The following DTNA variants were observed in gnomAD, a reference collection of about 807,000 sequenced individuals.
DTNA encodes the protein dystrophin-related protein 3.
In DTNA, 43 loss-of-function variants were observed where a neutral mutation model predicts 100.7. The ratio of observed to expected loss-of-function variants is 0.43; its 90% CI spans 0.33 to 0.55. The LOEUF is 0.55. DTNA is among the 20% of genes least tolerant of loss of function. The pLI is 0.04. For missense variants in DTNA, 798 were observed against 953.9 expected, an observed-to-expected ratio of 0.84 and a Z score of 2.15; for synonymous variants, 349 against 347.9, an observed-to-expected ratio of 1.00 and a Z score of -0.04.
chr18:34,860,371 CT>C (rs1488477510), intron 16 of DTNA, among the ~76,000 whole-genome samples: 1 of 151,786 alleles, frequency 6.6e-6, no homozygotes, highest in African/African-American at 2.4e-5. Context: ...CCAGCCCATT[CT>C]TTTCATCTTT....
chr18:34,755,919 G>A, intron 1 of DTNA, 57 bp from the exon 2 acceptor site: 1 of 1,478,414 alleles, frequency 6.8e-7, no homozygotes, highest in Non-Finnish European at 9.4e-7. Context: ...ACAGAGAAAT[G>A]GCTTCTTGCC....
At chr18:34,554,072 T>A (rs1209862985) in intron 1 of DTNA, among the ~76,000 whole-genome samples, 1 of 137,274 alleles carries the variant, frequency 7.3e-6, no homozygotes, top group East Asian at 2.0e-4. Context: ...GGTTTGTAGT[T>A]CTCCTTGAAG....
At chr18:34,499,925 C>T (rs2039707726) in intron 1 of DTNA, among the ~76,000 whole-genome samples, 1 of 152,040 alleles carries the variant, frequency 6.6e-6, no homozygotes, top group South Asian at 2.1e-4. Context: ...TTTGGGGTTA[C>T]TTATTCTTTG....
intron 17 of DTNA, among the ~76,000 whole-genome samples, chr18:34,870,723 C>T (rs2096756922): frequency 6.6e-6 from 1 of 152,118 alleles, no homozygotes; most frequent in Admixed American, 6.5e-5. Context: ...ACCAGAGCCA[C>T]AATGGCCTTC....
intron 1 of DTNA, among the ~76,000 whole-genome samples, chr18:34,662,135 G>GTTT (rs34780258): frequency 7.4e-6 from 1 of 135,864 alleles, no homozygotes; most frequent in African/African-American, 2.7e-5. Flanking sequence ...ACCGGTTGTT[G>GTTT]TTTTTTTTTT....
rs748695714 is a variant in DTNA, at chr18:34,804,311, C to T, written c.363-1908C>T. 3.3e-5 allele frequency among the ~76,000 whole-genome samples: 5 copies of T among 152,122 alleles called. No individual in the cohort carries two copies. In the South Asian group the frequency reaches 6.2e-4, roughly 19 times the overall value. ...GACTGCTGGGTGTGCCATGAGCAAA[C>T]GTTAGAACTTCGTCCTGAGGGCAAA... On this transcript the variant is annotated intron_variant, in intron 4 of 22. Coordinates refer to ENST00000444659, the MANE Select transcript of DTNA (RefSeq NM_001386795.1).
chr18:34,538,769 A>G (rs1330308952), intron 1 of DTNA, among the ~76,000 whole-genome samples: 1 of 152,004 alleles, frequency 6.6e-6, no homozygotes, highest in Non-Finnish European at 1.5e-5. Context: ...TACATGGTCT[A>G]AAGACCTAAA....
At chr18:34,576,534 C>T (rs1421529252) in intron 1 of DTNA, among the ~76,000 whole-genome samples, 1 of 152,150 alleles carries the variant, frequency 6.6e-6, no homozygotes, top group Non-Finnish European at 1.5e-5. Context: ...GGTGTGATCA[C>T]TCCAACCTCC....
intron 1 of DTNA, among the ~76,000 whole-genome samples, chr18:34,733,914 G>A (rs1415791891): frequency 1.3e-5 from 2 of 152,128 alleles, no homozygotes; most frequent in African/African-American, 4.8e-5. Context: ...AACATTAAAG[G>A]CAGAGTTTCT....
intron 1 of DTNA, among the ~76,000 whole-genome samples, chr18:34,691,508 G>C (rs989472501): frequency 2.6e-5 from 4 of 152,166 alleles, no homozygotes; most frequent in Non-Finnish European, 4.4e-5. Context: ...TGTGAAACAA[G>C]CAGTTGAAAA....
intron 3 of DTNA, among the ~76,000 whole-genome samples, chr18:34,766,867 C>G (rs1250076348): frequency 1.3e-5 from 2 of 151,178 alleles, no homozygotes; most frequent in African/African-American, 4.9e-5. Flanking sequence ...TTACATGAGA[C>G]AAAAATAAGA....
intron 7 of DTNA, chr18:34,817,852 A>T: frequency 1.1e-6 from 1 of 936,580 alleles, no homozygotes; most frequent in Non-Finnish European, 1.4e-6. Context: ...GGGTAAAGGC[A>T]AGTCTGTTTG....
chr18:34,517,027 T>C (rs937967451), intron 1 of DTNA, among the ~76,000 whole-genome samples: 1 of 152,064 alleles, frequency 6.6e-6, no homozygotes, highest in Non-Finnish European at 1.5e-5. Flanking sequence ...GCATAAGAAA[T>C]TATAAAAGTA....
At chr18:34,757,191 C>G (rs1210378468) in intron 2 of DTNA, 1 of 152,144 alleles carries the variant, frequency 6.6e-6, no homozygotes, top group African/African-American at 2.4e-5. Flanking sequence ...GAGTTTCAGC[C>G]AGGCCTTCCA....
At chr18:34,823,697 C>G (rs897377018) in intron 9 of DTNA, among the ~76,000 whole-genome samples, 68 of 152,138 alleles carry the variant, frequency 4.5e-4, no homozygotes, top group Non-Finnish European at 9.4e-4. Context: ...CTGATCTTTC[C>G]CCTTGCTTTA....
intron 3 of DTNA, among the ~76,000 whole-genome samples, chr18:34,769,000 G>A (rs1438790947): frequency 6.6e-6 from 1 of 152,154 alleles, no homozygotes; most frequent in African/African-American, 2.4e-5. Context: ...TATCAGGAAA[G>A]TCTTATTTAT....
At chr18:34,783,557 G>A (rs1344276054) in intron 3 of DTNA, among the ~76,000 whole-genome samples, 3 of 152,178 alleles carry the variant, frequency 2.0e-5, no homozygotes, top group Admixed American at 1.3e-4. Context: ...CCAGAAAGAC[G>A]TTGAGATTGG....
At chr18:34,580,616 G>A (rs147206187) in intron 1 of DTNA, among the ~76,000 whole-genome samples, 3 of 152,284 alleles carry the variant, frequency 2.0e-5, no homozygotes, top group Non-Finnish European at 2.9e-5. Context: ...ACTGAGAATA[G>A]CATTGCCTCA....
chr18:34,745,218 A>G (rs867075640), intron 1 of DTNA, among the ~76,000 whole-genome samples: 1 of 151,854 alleles, frequency 6.6e-6, no homozygotes, highest in African/African-American at 2.4e-5. Context: ...TCCCCTTCCC[A>G]ACTCTCCAAA....
Sources: gnomAD v4.1 joint callset for allele counts (sites outside exome capture counted in the v4.1 genomes callset) on GRCh38, gnomAD v4.1.1 for gene constraint, MANE v1.5 for transcripts, NCBI Gene and HGNC (gene_info 2026-07-23, HGNC 2026-07-21) for gene names.